The following DOCK3 variants were observed in gnomAD, a reference collection of about 807,000 sequenced individuals.
DOCK3 encodes the protein dedicator of cytokinesis 3.
In DOCK3, 60 loss-of-function variants were observed where a neutral mutation model predicts 265.6. That is an observed-to-expected ratio of 0.23 (90% confidence interval 0.18 to 0.28). The LOEUF (loss-of-function observed/expected upper bound fraction) is 0.28. Among genes scored for constraint, DOCK3 ranks in the 10% least tolerant of loss-of-function variants. DOCK3 has a pLI of 1.00. For missense variants in DOCK3, 1,981 were observed against 2,594.3 expected (o/e 0.76, Z 5.14); for synonymous variants, 881 against 938.0 (o/e 0.94, Z 1.11).
chr3:51,220,953 T>C (rs1375118853), intron 14 of DOCK3, among the ~76,000 whole-genome samples: 1 of 151,838 alleles, frequency 6.6e-6, no homozygotes, highest in Non-Finnish European at 1.5e-5. Context: ...GAGATTCTCT[T>C]GCTAACAAAT....
At chr3:51,058,584 A>G (rs752572034) in intron 5 of DOCK3, among the ~76,000 whole-genome samples, 1 of 152,244 alleles carries the variant, frequency 6.6e-6, no homozygotes, top group Non-Finnish European at 1.5e-5. Context: ...ATACACATAC[A>G]TAATACGTAT....
At chr3:50,756,821 TA>T (rs1026612918) in intron 1 of DOCK3, among the ~76,000 whole-genome samples, 3 of 152,216 alleles carry the variant, frequency 2.0e-5, no homozygotes, top group Non-Finnish European at 4.4e-5. Context: ...GCCATTTGTA[TA>T]TCTTCTTTGG....
At chr3:51,016,490 T>TC (rs2079248844) in intron 5 of DOCK3, among the ~76,000 whole-genome samples, 7 of 68,130 alleles carry the variant, frequency 1.0e-4, no homozygotes, top group African/African-American at 4.8e-4. Flanking sequence ...ATATATATCA[T>TC]ATATTTCTAC....
intron 38 of DOCK3, among the ~76,000 whole-genome samples, chr3:51,347,488 G>T (rs2085668502): frequency 6.6e-6 from 1 of 152,070 alleles, no homozygotes; most frequent in African/African-American, 2.4e-5. Context: ...GTTCTGTTCC[G>T]TTGGTCCATA....
At chr3:50,692,454 C>T (rs1266118146) in intron 1 of DOCK3, among the ~76,000 whole-genome samples, 7 of 152,142 alleles carry the variant, frequency 4.6e-5, no homozygotes, top group African/African-American at 1.2e-4. Context: ...GGTTCATACT[C>T]CTATGAGAAT....
intron 5 of DOCK3, among the ~76,000 whole-genome samples, chr3:50,991,721 T>G (rs1477236750): frequency 6.6e-6 from 1 of 152,018 alleles, no homozygotes; most frequent in East Asian, 1.9e-4. Context: ...ACCTAAACTC[T>G]ACATTGGACC....
chr3:51,271,479 C>A (rs183823797), intron 24 of DOCK3, among the ~76,000 whole-genome samples: 2 of 152,156 alleles, frequency 1.3e-5, no homozygotes, highest in East Asian at 3.9e-4. Context: ...TAAAAGGTCG[C>A]TAATCTTGTT....
At chr3:51,091,073 G>A (rs1250357313) in intron 9 of DOCK3, among the ~76,000 whole-genome samples, 1 of 152,128 alleles carries the variant, frequency 6.6e-6, no homozygotes, top group Non-Finnish European at 1.5e-5. Context: ...CTTTACTTTG[G>A]CATAGGAATA....
chr3:51,149,986 G>A (rs936708179), intron 10 of DOCK3, among the ~76,000 whole-genome samples: 1 of 152,080 alleles, frequency 6.6e-6, no homozygotes, highest in African/African-American at 2.4e-5. Context: ...TTTTTGGTTG[G>A]GAGGCAATTA....
At chr3:51,358,360 A>G (rs142035897) in intron 46 of DOCK3, among the ~76,000 whole-genome samples, 26 of 152,326 alleles carry the variant, frequency 1.7e-4, no homozygotes, top group African/African-American at 5.5e-4. Context: ...AGGTTTTCAT[A>G]TGTGAAGGAA....
chr3:50,715,685 A>G (rs2037062451), intron 1 of DOCK3, among the ~76,000 whole-genome samples: 1 of 152,190 alleles, frequency 6.6e-6, no homozygotes, highest in South Asian at 2.1e-4. Context: ...AGCACAGGCC[A>G]TTAGGCAGCT....
At chr3:51,065,748 G>A (rs1044805638) in intron 6 of DOCK3, among the ~76,000 whole-genome samples, 5 of 152,208 alleles carry the variant, frequency 3.3e-5, no homozygotes, top group South Asian at 2.1e-4. Context: ...GATTGCTCCC[G>A]CTTACCAGAA....
intron 3 of DOCK3, among the ~76,000 whole-genome samples, chr3:50,848,069 T>TA (rs1397037851): frequency 6.6e-6 from 1 of 151,080 alleles, no homozygotes; most frequent in Admixed American, 6.6e-5. Flanking sequence ...GTCCTTTTTT[T>TA]ATTGTTGTTG....
chr3:51,029,954 T>C (rs931377551), intron 5 of DOCK3, among the ~76,000 whole-genome samples: 2 of 151,944 alleles, frequency 1.3e-5, no homozygotes, highest in African/African-American at 4.8e-5. Context: ...ACCTATTGTG[T>C]TTCCCTGGGA....
chr3:51,116,450 CAAAAA>C (rs55898136), intron 9 of DOCK3, among the ~76,000 whole-genome samples: 1 of 54,972 alleles, frequency 1.8e-5, no homozygotes, highest in Non-Finnish European at 3.1e-5. Flanking sequence ...GACTCCATCT[CAAAAA>C]AAAAAAAAAA....
chr3:50,979,317 T>C lies in DOCK3; in HGVS notation c.315+45240T>C, dbSNP rs74502498. Reference sequence around the variant, plus strand: ...AGCTATTGTAAATGGGATTGTGATATAGTTCAGATATTTGTCCCCTCCAAA... The same window carrying C: ...AGCTATTGTAAATGGGATTGTGATACAGTTCAGATATTTGTCCCCTCCAAA... On this transcript the variant is annotated intron_variant, in intron 5 of 52. Coordinates refer to ENST00000266037, the MANE Select transcript of DOCK3 (RefSeq NM_004947.5). Among the ~76,000 whole-genome samples, 17 of 152,334 alleles carry C rather than the reference T, an allele frequency of 1.1e-4. No individual in the cohort carries two copies. In the East Asian group the frequency reaches 2.9e-3, roughly 26 times the overall value.
At chr3:51,362,129 C>A in intron 48 of DOCK3, 132 bp downstream of exon 48, 1 of 1,202,276 alleles carries the variant, frequency 8.3e-7, no homozygotes, top group Non-Finnish European at 1.1e-6. Context: ...ACACCCCTCA[C>A]CAGAGCTAGA....
At chr3:51,038,057 G>C (rs1442657331) in intron 5 of DOCK3, among the ~76,000 whole-genome samples, 2 of 152,128 alleles carry the variant, frequency 1.3e-5, no homozygotes, top group Non-Finnish European at 2.9e-5. Context: ...CCCCCAAATT[G>C]CTGGCTAAGC....
At chr3:51,322,787 A>G (rs893755245) in intron 32 of DOCK3, among the ~76,000 whole-genome samples, 2 of 152,230 alleles carry the variant, frequency 1.3e-5, no homozygotes, top group South Asian at 2.1e-4. Context: ...GGCAGGATCA[A>G]ATTCACACAT....
Sources: gnomAD v4.1 joint callset for allele counts (sites outside exome capture counted in the v4.1 genomes callset) on GRCh38, gnomAD v4.1.1 for gene constraint, MANE v1.5 for transcripts, NCBI Gene and HGNC (gene_info 2026-07-23, HGNC 2026-07-21) for gene names.